SHB: variants seen among roughly 807,000 people sequenced by gnomAD.
SHB encodes the protein SH2 domain containing adaptor protein B.
Under a neutral mutation model 52.3 loss-of-function variants are expected in SHB, and 20 were observed. The ratio of observed to expected loss-of-function variants is 0.38; its 90% CI spans 0.27 to 0.56. SHB has a LOEUF of 0.56. Among genes scored for constraint, SHB ranks in the 20% least tolerant of loss-of-function variants. The pLI is 0.71. For synonymous variants in SHB, 397 were observed against 316.5 expected, an observed-to-expected ratio of 1.25 and a Z score of -2.70; for missense variants, 825 against 723.3, an observed-to-expected ratio of 1.14 and a Z score of -1.61.
intron 3 of SHB, among the ~76,000 whole-genome samples, chr9:37,967,048 T>C (rs1463208585): frequency 6.6e-6 from 1 of 152,202 alleles, no homozygotes. Context: ...ACAAGTGCTG[T>C]GCAGTCAGAC....
chr9:37,969,661 C>T (rs1413086929), intron 3 of SHB, among the ~76,000 whole-genome samples: 3 of 152,210 alleles, frequency 2.0e-5, no homozygotes, highest in South Asian at 2.1e-4. Flanking sequence ...CTATCCACCC[C>T]GGCTCCTTGG....
At chr9:37,937,626 G>A (rs568014552) in intron 5 of SHB, among the ~76,000 whole-genome samples, 44 of 152,368 alleles carry the variant, frequency 2.9e-4, no homozygotes, top group African/African-American at 9.4e-4. Flanking sequence ...GGGCGCCTGC[G>A]TGCGAGTGTG....
intron 3 of SHB, among the ~76,000 whole-genome samples, chr9:37,968,919 G>C (rs577231999): frequency 1.3e-5 from 2 of 152,048 alleles, no homozygotes; most frequent in Non-Finnish European, 2.9e-5. Context: ...TATGGTATAC[G>C]GGCCCCTCTC....
chr9:38,004,709 C>A (rs577974014), intron 2 of SHB, among the ~76,000 whole-genome samples: 15 of 152,300 alleles, frequency 9.8e-5, no homozygotes, highest in African/African-American at 3.4e-4. Context: ...GGTAGCTTCA[C>A]GGAGGGCTGT....
intron 3 of SHB, among the ~76,000 whole-genome samples, chr9:37,972,838 A>G (rs1424565484): frequency 6.6e-6 from 1 of 152,228 alleles, no homozygotes; most frequent in Non-Finnish European, 1.5e-5. Flanking sequence ...TAGAGGCCTC[A>G]CTGTTCGGGG....
intron 1 of SHB, among the ~76,000 whole-genome samples, chr9:38,042,170 G>A (rs1821592737): frequency 6.6e-6 from 1 of 152,164 alleles, no homozygotes. Flanking sequence ...TAAACCCTCT[G>A]TGCCCCTGTC....
intron 1 of SHB, among the ~76,000 whole-genome samples, chr9:38,017,728 C>A (rs1048208282): frequency 2.6e-5 from 4 of 152,218 alleles, no homozygotes; most frequent in African/African-American, 9.6e-5. Context: ...CCAGTGGGGA[C>A]CCAGTAGGGG....
intron 1 of SHB, among the ~76,000 whole-genome samples, chr9:38,062,732 C>G (rs1394347872): frequency 6.6e-6 from 1 of 152,216 alleles, no homozygotes; most frequent in Non-Finnish European, 1.5e-5. Context: ...CTCAGATATG[C>G]AGGCTCTTGG....
At chr9:38,027,334 C>T (rs1018220960) in intron 1 of SHB, among the ~76,000 whole-genome samples, 21 of 152,144 alleles carry the variant, frequency 1.4e-4, no homozygotes, top group African/African-American at 2.9e-4. Context: ...CTTCCTTCTG[C>T]GGTGCAGGAG....
Position 38,068,151 on chromosome 9 carries a change from G to C in SHB, c.495C>G (p.Ser165Arg). The C allele has an allele frequency of 6.9e-7, 1 of 1,443,312 alleles. No homozygotes were observed. Among genetic ancestry groups the C allele is most frequent in the Non-Finnish European group, 9.0e-7 (1 of 1,110,960 alleles). The allele number at this position is 1,443,312 out of a possible 1,614,324, so 89.4% of individuals were successfully genotyped here. A position where few individuals can be genotyped will look rare whatever the true frequency, so the allele number is the denominator to read the frequency against. ...SSGSPHLYRS[S>R]SERRPATPAE... Reference sequence around the variant, plus strand: ...CCGGCGTGGCGGGCCGCCGCTCGCTGCTGCTGCGGTAGAGATGCGGAGAGC... The same window carrying C: ...CCGGCGTGGCGGGCCGCCGCTCGCTCCTGCTGCGGTAGAGATGCGGAGAGC... The change falls in exon 1 of 6, where the codon AGC becomes AGG. Residue 165 changes from serine (S) to arginine (R), a missense_variant. Coordinates refer to ENST00000377707, the MANE Select transcript of SHB (RefSeq NM_003028.3).
intron 2 of SHB, among the ~76,000 whole-genome samples, chr9:37,976,345 C>T (rs146240453): frequency 2.0e-5 from 3 of 152,280 alleles, no homozygotes; most frequent in Non-Finnish European, 4.4e-5. Context: ...CAACATTGAC[C>T]ATTTTAGCCA....
At chr9:37,920,035 A>C (rs1564078968) in intron 5 of SHB, 31 bp from the exon 6 acceptor site, 1 of 1,574,904 alleles carries the variant, frequency 6.3e-7, no homozygotes, top group Non-Finnish European at 8.7e-7. Context: ...TATCAGAACT[A>C]CCCCCCTGAC....
chr9:38,010,957 C>T lies in SHB; in HGVS notation c.838+5054G>A, dbSNP rs1051886880. The stretch of plus-strand genomic sequence containing the variant: ...CAGGAAGGACAAACAGGCCCTCTGT[C>T]CTCTAATAACAACAATCTTATGCAC... On this transcript the variant is annotated intron_variant, in intron 2 of 5. Coordinates refer to ENST00000377707, the MANE Select transcript of SHB (RefSeq NM_003028.3). Among the ~76,000 whole-genome samples, 3 of 152,220 alleles carry T rather than the reference C, an allele frequency of 2.0e-5. No individual in the cohort carries two copies. The East Asian group carries it at 5.8e-4, about 29-fold the overall frequency.
At chr9:38,039,604 G>A (rs1439415132) in intron 1 of SHB, among the ~76,000 whole-genome samples, 6 of 152,366 alleles carry the variant, frequency 3.9e-5, no homozygotes, top group East Asian at 3.9e-4. Context: ...ACAAAGCCAC[G>A]ACAAGGTCCC....
chr9:38,063,731 C>G (rs2118198873), intron 1 of SHB, among the ~76,000 whole-genome samples: 1 of 152,128 alleles, frequency 6.6e-6, no homozygotes, highest in South Asian at 2.1e-4. Flanking sequence ...GGAAAGTTAG[C>G]CACCACTTAC....
At chr9:37,942,017 C>T (rs1405534971) in intron 5 of SHB, among the ~76,000 whole-genome samples, 2 of 152,208 alleles carry the variant, frequency 1.3e-5, no homozygotes, top group Middle Eastern at 3.2e-3. Flanking sequence ...AATCACTTGC[C>T]TGCCTGGACC....
intron 3 of SHB, among the ~76,000 whole-genome samples, chr9:37,964,461 T>C (rs550171824): frequency 6.6e-6 from 1 of 152,288 alleles, no homozygotes; most frequent in South Asian, 2.1e-4. Flanking sequence ...TAAGATCTGA[T>C]GCTTGACTAC....
Position 37,917,407 on chromosome 9 carries a change from C to CT in SHB, c.*2413dup, listed in dbSNP as rs977247499. Among the ~76,000 whole-genome samples the CT allele has an allele frequency of 3.3e-5, 5 of 152,184 alleles. No homozygotes were observed. The highest frequency in any genetic ancestry group is 5.9e-5 in the Non-Finnish European group (4 of 68,042). On this transcript the variant is annotated 3_prime_UTR_variant, in exon 6 of 6. Coordinates refer to ENST00000377707, the MANE Select transcript of SHB (RefSeq NM_003028.3). ...CAGAGGGCACAGCTGCCAGCTTCCA[C>CT]TGAGACCCTCCCAGAGCCTTTTCTG...
chr9:37,952,979 T>C (rs977696730), intron 4 of SHB, among the ~76,000 whole-genome samples: 6 of 151,968 alleles, frequency 3.9e-5, no homozygotes, highest in Admixed American at 3.3e-4. Context: ...ACTAGGATCC[T>C]GGGAGAGACA....
Sources: allele counts gnomAD v4.1 joint callset (sites outside exome capture counted in the v4.1 genomes callset), GRCh38; gene constraint gnomAD v4.1.1; transcripts MANE v1.5; gene names NCBI Gene and HGNC (gene_info 2026-07-23, HGNC 2026-07-21).